The following GATA4 variants were observed in gnomAD, a reference collection of about 807,000 sequenced individuals.
The protein encoded by GATA4 is GATA binding protein 4.
A neutral mutation model predicts 37.9 loss-of-function variants in GATA4; 7 were observed. The observed-to-expected ratio is 0.18, with a 90% CI of 0.11 to 0.35. GATA4 has a LOEUF of 0.35. Ranked by LOEUF, GATA4 falls within the 10% of genes least tolerant of loss-of-function variation. The pLI is 1.00. For synonymous variants in GATA4, 372 were observed against 292.6 expected (o/e 1.27, Z -2.77); for missense variants, 647 against 653.0 (o/e 0.99, Z 0.10).
Position 11,708,954 on chromosome 8 carries a change from C to A in GATA4, c.616+26C>A. ...GTGAGTAGGAGCGCGAGGGCTGGGG[C>A]GCGTGAGGGCCGGGGCAGGGGCCGT... On this transcript the variant is annotated intron_variant, in intron 2 of 6. Transcript: ENST00000532059. The surrounding 1 kb of genome is among the most constrained non-coding windows in gnomAD (Gnocchi z 6.7). 2 of 1,516,576 alleles carry A rather than the reference C, an allele frequency of 1.3e-6. No homozygotes were observed. The highest frequency in any genetic ancestry group is 1.2e-5 in the South Asian group (1 of 82,486). 93.9% of individuals were successfully genotyped at this position (1,516,576 alleles called of 1,614,324 possible).
chr8:11,715,793 G>A (rs1413586086), intron 2 of GATA4, among the ~76,000 whole-genome samples: 2 of 152,022 alleles, frequency 1.3e-5, no homozygotes, highest in Non-Finnish European at 2.9e-5. Context: ...ATACAGTTCA[G>A]TAGTGTTAAA....
At chr8:11,722,522 A>G (rs957524328) in intron 2 of GATA4, among the ~76,000 whole-genome samples, 3 of 152,184 alleles carry the variant, frequency 2.0e-5, no homozygotes, top group African/African-American at 7.2e-5. Context: ...AGGTCTAAGC[A>G]TTGCCTGTGT....
At chr8:11,738,743 A>G (rs912809876) in intron 2 of GATA4, among the ~76,000 whole-genome samples, 2 of 152,244 alleles carry the variant, frequency 1.3e-5, no homozygotes, top group South Asian at 4.1e-4. Context: ...GCGGGGCTGT[A>G]GCATGTCACA....
chr8:11,722,682 A>G (rs1402213149), intron 2 of GATA4, among the ~76,000 whole-genome samples: 1 of 152,192 alleles, frequency 6.6e-6, no homozygotes, highest in Non-Finnish European at 1.5e-5. Context: ...GACATTGAAC[A>G]TATTCCTCTG....
At chr8:11,717,571 C>T (rs1351434297) in intron 2 of GATA4, among the ~76,000 whole-genome samples, 1 of 152,186 alleles carries the variant, frequency 6.6e-6, no homozygotes, top group Non-Finnish European at 1.5e-5. Context: ...TTCCCCCTTT[C>T]CCCACACTTT....
At chr8:11,731,429 A>C (rs1315622062) in intron 2 of GATA4, among the ~76,000 whole-genome samples, 1 of 152,244 alleles carries the variant, frequency 6.6e-6, no homozygotes, top group Admixed American at 6.5e-5. Context: ...CACTGCTACA[A>C]CAGATGAATC....
upstream of GATA4, chr8:11,700,368 G>C (rs1231310831): frequency 6.6e-6 from 1 of 152,264 alleles, no homozygotes; most frequent in East Asian, 1.9e-4. Context: ...TGCAGAGCAC[G>C]GTTCCGGGCG....
At chr8:11,703,355 C>A (rs769262495), upstream of GATA4, among the ~76,000 whole-genome samples, 20 of 152,130 alleles carry the variant, frequency 1.3e-4, no homozygotes, top group East Asian at 1.7e-3. Context: ...TGCGCTGGGG[C>A]CTCCAGGCTC....
At chr8:11,722,320 A>G (rs941314200) in intron 2 of GATA4, among the ~76,000 whole-genome samples, 11 of 152,200 alleles carry the variant, frequency 7.2e-5, no homozygotes, top group Non-Finnish European at 1.3e-4. Context: ...ATGTCATTTT[A>G]CCCACAAATA....
At position 11,708,335 on chromosome 8, in the gene GATA4, C is replaced by T. The variant is rs864321698; in HGVS notation, c.23C>T (p.Ala8Val). The change falls in exon 2 of 7, where the codon GCC becomes GTC. Residue 8 changes from alanine to valine, a missense_variant. Transcript: ENST00000532059. The surrounding 1 kb of genome is among the most constrained non-coding windows in gnomAD (Gnocchi z 6.7). Reference protein sequence around the residue: MYQSLAMAANHGPPPGAY... With the variant: MYQSLAMVANHGPPPGAY... ...ACCATGTATCAGAGCTTGGCCATGG[C>T]CGCCAACCACGGGCCGCCCCCCGGT... 6.3e-7 allele frequency: 1 copy of T among 1,584,494 alleles called. No homozygotes were observed. The highest frequency in any genetic ancestry group is 1.7e-5 in the Admixed American group (1 of 58,328).
intron 1 of GATA4, among the ~76,000 whole-genome samples, chr8:11,686,039 G>A (rs865979387): frequency 2.2e-4 from 34 of 152,330 alleles, no homozygotes; most frequent in African/African-American, 7.9e-4. Flanking sequence ...TAAATGTCAG[G>A]TTCCGGTTTT....
chr8:11,720,264 T>C (rs919323872), intron 2 of GATA4, among the ~76,000 whole-genome samples: 2 of 152,018 alleles, frequency 1.3e-5, no homozygotes, highest in African/African-American at 4.8e-5. Flanking sequence ...TGCCCCGTGA[T>C]AGTCATTCAG....
intron 1 of GATA4, among the ~76,000 whole-genome samples, chr8:11,683,522 T>G (rs1055976393): frequency 1.3e-5 from 2 of 152,198 alleles, no homozygotes; most frequent in Non-Finnish European, 2.9e-5. Context: ...ACTTTCACCG[T>G]ATTCCTTGAG....
At chr8:11,742,143 C>A (rs978949337) in intron 2 of GATA4, among the ~76,000 whole-genome samples, 2 of 152,126 alleles carry the variant, frequency 1.3e-5, no homozygotes, top group African/African-American at 4.8e-5. Context: ...GCTGGGAGTT[C>A]TTAGACCTCC....
At chr8:11,720,885 T>G (rs1038652670) in intron 2 of GATA4, among the ~76,000 whole-genome samples, 2 of 151,942 alleles carry the variant, frequency 1.3e-5, no homozygotes, top group Admixed American at 6.6e-5. Flanking sequence ...ACCCACTGAG[T>G]GTTGTCTGCA....
At chr8:11,737,151 C>T (rs1236082553) in intron 2 of GATA4, among the ~76,000 whole-genome samples, 1 of 152,076 alleles carries the variant, frequency 6.6e-6, no homozygotes, top group African/African-American at 2.4e-5. Flanking sequence ...CCCCAGACAC[C>T]CCCGAGAGGG....
At position 11,707,684 on chromosome 8, in the gene GATA4, G is replaced by T. The variant is rs756612295; in HGVS notation, c.-457-172G>T. On this transcript the variant is annotated intron_variant, in intron 1 of 6. Coordinates refer to ENST00000532059, the MANE Select transcript of GATA4 (RefSeq NM_001308093.3). This position sits in a 1 kb window ranked among gnomAD's most constrained non-coding sequence, Gnocchi z 4.7. ...GCCTGGGCCGCCTGACCCAACGCCTGGACAAAACAAAGGCCCCTGCTTCCC... is the reference window on the plus strand; with the variant it reads ...GCCTGGGCCGCCTGACCCAACGCCTTGACAAAACAAAGGCCCCTGCTTCCC... Among the ~76,000 whole-genome samples, 36 of 152,150 alleles carry T rather than the reference G, an allele frequency of 2.4e-4. No homozygotes were observed. In the South Asian group the frequency reaches 2.9e-3, roughly 12 times the overall value.
At position 11,751,873 on chromosome 8, in the gene GATA4, A is replaced by T. The variant is rs187905281; in HGVS notation, c.912+1637A>T. ...GATCTGTATTTGAATTACTGCATCT[A>T]TTAACTTAGTGGTATTTTTTAAGGT... On this transcript the variant is annotated intron_variant, in intron 4 of 6. Transcript: ENST00000532059. Among the ~76,000 whole-genome samples the T allele has an allele frequency of 1.6e-4, 24 of 152,334 alleles. No individual in the cohort carries two copies. In the East Asian group the frequency reaches 4.2e-3, roughly 27 times the overall value.
intron 2 of GATA4, among the ~76,000 whole-genome samples, chr8:11,732,539 A>T (rs954822976): frequency 6.6e-6 from 1 of 152,234 alleles, no homozygotes; most frequent in African/African-American, 2.4e-5. Context: ...ACACCAAAAA[A>T]CTAACTGCTA....
Sources: gnomAD v4.1 joint callset for allele counts (sites outside exome capture counted in the v4.1 genomes callset) on GRCh38, gnomAD v4.1.1 for gene constraint, Gnocchi (gnomAD v3.1) non-coding constraint, MANE v1.5 for transcripts, NCBI Gene and HGNC (gene_info 2026-07-23, HGNC 2026-07-21) for gene names.